Variants in SLC25A41 observed in about 807,000 individuals in gnomAD.
SLC25A41 encodes the protein solute carrier family 25 member 41.
SLC25A41 carries 35 observed loss-of-function variants against 34.7 expected under a neutral mutation model. The observed-to-expected ratio is 1.01, with a 90% CI of 0.77 to 1.34. The LOEUF is 1.34. SLC25A41 is among the 40% of genes most tolerant of loss of function. SLC25A41 has a pLI of 0.00. For missense variants in SLC25A41, 492 were observed against 489.8 expected (o/e 1.00, Z -0.04); for synonymous variants, 190 against 209.9 (o/e 0.91, Z 0.82).
Position 6,427,268 on chromosome 19 carries a change from C to G in SLC25A41, c.793-18G>C, listed in dbSNP as rs200557483. 1 of 1,611,528 alleles carries G rather than the reference C, an allele frequency of 6.2e-7. No homozygotes were observed. The highest frequency in any genetic ancestry group is 8.5e-7 in the Non-Finnish European group (1 of 1,178,948). On this transcript the variant is annotated intron_variant, in intron 5 of 6. Coordinates refer to ENST00000321510, the MANE Select transcript of SLC25A41 (RefSeq NM_173637.4). This position sits in a 1 kb window ranked among gnomAD's most constrained non-coding sequence, Gnocchi z 4.9. ...TGGAGCATCTGCAAGAGAAGGGGGC[C>G]AGGAGAAAGCTCACTAGGAGCCTGG...
intron 6 of SLC25A41, 116 bp from the exon 7 acceptor site, chr19:6,426,677 A>T: frequency 1.8e-6 from 2 of 1,093,078 alleles, no homozygotes; most frequent in East Asian, 4.8e-5. Context: ...GGTCAGTAGG[A>T]AAACAGTTTG....
upstream of SLC25A41, among the ~76,000 whole-genome samples, chr19:6,435,495 T>C (rs1232482778): frequency 6.7e-6 from 1 of 150,024 alleles, no homozygotes; most frequent in Non-Finnish European, 1.5e-5. Flanking sequence ...CCAAGGCAGG[T>C]GGATCACCTG....
At position 6,432,181 on chromosome 19, in the gene SLC25A41, C is replaced by G. The variant is rs757550774; in HGVS notation, c.231G>C (p.Leu77=). ...SQQVLDTGEQ[L]MVPVEVLEVD... The stretch of plus-strand genomic sequence containing the variant: ...CTTCCAGGACTTCCACGGGGACCAT[C>G]AGCTGCTCTCCTGTGTCCAGTACCT... The change falls in exon 2 of 7, where the codon CTG becomes CTC. Residue 77 remains leucine, a synonymous_variant. Coordinates refer to ENST00000321510, the MANE Select transcript of SLC25A41 (RefSeq NM_173637.4). 1 of 1,613,782 alleles carries G rather than the reference C, an allele frequency of 6.2e-7. No individual in the cohort carries two copies. Among genetic ancestry groups the G allele is most frequent in the Non-Finnish European group, 8.5e-7 (1 of 1,179,756 alleles).
Position 6,429,798 on chromosome 19 carries a change from G to C in SLC25A41, c.550C>G (p.Pro184Ala). The change falls in exon 4 of 7, where the codon CCG (proline) becomes GCG (alanine). Residue 184 changes from proline (P) to alanine (A), a missense_variant. Transcript: ENST00000321510. ...GCAAGGAGACGCTCCTGGAAGGGCG[G>C]GGACCCTTGTATTCCACAGAAGTAA... is the stretch of plus-strand genomic sequence containing the variant. ...KNYFCGIQGS[P>A]PFQERLLAGS... is the part of the protein sequence containing the mutation. 6.2e-7 allele frequency: 1 copy of C among 1,611,416 alleles called. No homozygotes were observed. Among genetic ancestry groups the C allele is most frequent in the Non-Finnish European group, 8.5e-7 (1 of 1,178,974 alleles).
At chr19:6,434,992 G>A (rs942701288), upstream of SLC25A41, among the ~76,000 whole-genome samples, 6 of 152,012 alleles carry the variant, frequency 3.9e-5, no homozygotes, top group Non-Finnish European at 7.4e-5. Context: ...GGAGGTCAAG[G>A]CAGGTGGATC....
rs78320693 is a variant in SLC25A41, at chr19:6,427,422, C to T, written c.704G>A (p.Arg235Gln). 2,654 of 1,609,388 alleles carry T rather than the reference C, an allele frequency of 1.6e-3. 6 individuals carry two copies. Among genetic ancestry groups the T allele is most frequent in the African/African-American group, 5.7e-3 (431 of 75,004 alleles). The change falls in exon 5 of 7, where the codon CGA (arginine) becomes CAA (glutamine). Residue 235 changes from arginine (R) to glutamine (Q), a missense_variant. Transcript: ENST00000321510. This position sits in a 1 kb window ranked among gnomAD's most constrained non-coding sequence, Gnocchi z 4.9. ...GCGGTAAAGGGCGCGGGTGCCCTCT[C>T]GCTGCAAGATCTGCCTGGCGCAGTC... is the stretch of plus-strand genomic sequence containing the variant. ...LLDCARQILQREGTRALYRGY... is the reference protein window; with the variant it reads ...LLDCARQILQQEGTRALYRGY...
chr19:6,430,215 C>G lies in SLC25A41; in HGVS notation c.364-54G>C, dbSNP rs376484399. The stretch of plus-strand genomic sequence containing the variant: ...CCCTGCTCGCCTCTGTCTCCGTCCC[C>G]ATCCCTGCCCCAAGCGCAGCCCCAC... On this transcript the variant is annotated intron_variant, in intron 2 of 6. Transcript: ENST00000321510. 29 of 1,532,020 alleles carry G rather than the reference C, an allele frequency of 1.9e-5. No individual in the cohort carries two copies. In the East Asian group the frequency reaches 4.9e-4, roughly 26 times the overall value. 94.9% of individuals were successfully genotyped at this position (1,532,020 alleles called of 1,614,324 possible). A position where few individuals can be genotyped will look rare whatever the true frequency, so the allele number is the denominator to read the frequency against.
In SLC25A41 at chr19:6,432,014, C is replaced by G. The variant is rs764911107; in HGVS notation, c.363+35G>C. 79 of 1,586,578 alleles carry G rather than the reference C, an allele frequency of 5.0e-5. No homozygotes were observed. The East Asian group carries it at 1.5e-3, about 29-fold the overall frequency. On this transcript the variant is annotated intron_variant, in intron 2 of 6. Coordinates refer to ENST00000321510, the MANE Select transcript of SLC25A41 (RefSeq NM_173637.4). ...CCCACGTTCTCCCCAGTGGCTCCAG[C>G]GCTGGGTCCCGTCCTCCCCCCAACC...
At position 6,432,000 on chromosome 19, in the gene SLC25A41, C is replaced by T. The variant is rs1000422722; in HGVS notation, c.363+49G>A. On this transcript the variant is annotated intron_variant, in intron 2 of 6. Transcript: ENST00000321510. ...CCATCTGTCCTCACCCCACGTTCTC[C>T]CCAGTGGCTCCAGCGCTGGGTCCCG... 3 of 1,574,588 alleles carry T rather than the reference C, an allele frequency of 1.9e-6. No individual in the cohort carries two copies. The East Asian group carries it at 6.8e-5, about 36-fold the overall frequency.
At chr19:6,429,357 A>AG (rs2145141765) in intron 4 of SLC25A41, among the ~76,000 whole-genome samples, 5 of 5,202 alleles carry the variant, frequency 9.6e-4, no homozygotes, top group Non-Finnish European at 1.4e-3. Context: ...GAGAGGAGGG[A>AG]GAAAGGAGGA....
chr19:6,427,150 A>T lies in SLC25A41; in HGVS notation c.893T>A (p.Met298Lys). 6.2e-7 allele frequency: 1 copy of T among 1,610,674 alleles called. No homozygotes were observed. The highest frequency in any genetic ancestry group is 8.5e-7 in the Non-Finnish European group (1 of 1,178,954). The change falls in exon 6 of 7, where the codon ATG becomes AAG. Residue 298 changes from methionine (M) to lysine (K), a missense_variant. Met to Lys is a moderately conservative substitution (Grantham distance 95). Coordinates refer to ENST00000321510, the MANE Select transcript of SLC25A41 (RefSeq NM_173637.4). The surrounding 1 kb of genome is among the most constrained non-coding windows in gnomAD (Gnocchi z 4.9). ...SVTLSTTCGQ[M>K]ASYPLTLVRT... Reference sequence around the variant, plus strand: ...CACCAGAGTCAGTGGGTAGCTGGCCATCTGGCCACAGGTCGTGGATAGCGT... The same window carrying T: ...CACCAGAGTCAGTGGGTAGCTGGCCTTCTGGCCACAGGTCGTGGATAGCGT...
intron 4 of SLC25A41, among the ~76,000 whole-genome samples, chr19:6,428,237 C>T (rs960498874): frequency 6.6e-6 from 1 of 151,680 alleles, no homozygotes; most frequent in African/African-American, 2.4e-5. Context: ...GGCAACATGG[C>T]GAAACCCTGT....
At chr19:6,429,521 A>AAGAGGAGGAG (rs2092274257) in intron 4 of SLC25A41, among the ~76,000 whole-genome samples, 3 of 20,598 alleles carry the variant, frequency 1.5e-4, no homozygotes, top group African/African-American at 5.1e-4. Flanking sequence ...GAGAGGAGGA[A>AAGAGGAGGAG]GGAGAAAGGA....
At chr19:6,426,935 G>A (rs1022991282) in intron 6 of SLC25A41, among the ~76,000 whole-genome samples, 168 bp downstream of exon 6, 2 of 152,072 alleles carry the variant, frequency 1.3e-5, no homozygotes, top group East Asian at 1.9e-4. Flanking sequence ...ACCATGCCTG[G>A]CTAATTTTTA....
At chr19:6,435,548 C>G (rs1349827750), upstream of SLC25A41, among the ~76,000 whole-genome samples, 1 of 152,216 alleles carries the variant, frequency 6.6e-6, no homozygotes, top group East Asian at 1.9e-4. Flanking sequence ...TGATAAAACC[C>G]CGTGTCTACT....
In SLC25A41 at chr19:6,428,706, CAT is replaced by C. The variant is rs1320072008; in HGVS notation, c.624+1016_624+1017del. 3.5e-4 allele frequency among the ~76,000 whole-genome samples: 50 copies of C among 143,968 alleles called. 1 individual carries two copies. The highest frequency in any genetic ancestry group is 1.1e-3 in the African/African-American group (45 of 39,614). The allele number at this position is 143,968 out of a possible 152,430, so 94.4% of individuals were successfully genotyped here. A position where few individuals can be genotyped will look rare whatever the true frequency, so the allele number is the denominator to read the frequency against. On this transcript the variant is annotated intron_variant, in intron 4 of 6. Transcript: ENST00000321510. ...ATATATGTGTATATTATATATAAAA[CAT>C]ATATATATATATATTTTTTTTGAGA...
chr19:6,430,784 G>A (rs900196609), intron 2 of SLC25A41, among the ~76,000 whole-genome samples: 1 of 152,028 alleles, frequency 6.6e-6, no homozygotes, highest in African/African-American at 2.4e-5. Context: ...CACCGCGCCT[G>A]GCCTTCTTTT....
At chr19:6,430,393 C>T in intron 2 of SLC25A41, 1 of 574,296 alleles carries the variant, frequency 1.7e-6, no homozygotes, top group South Asian at 2.1e-5. Context: ...TCTTCATCTC[C>T]TCAGTCTTTT....
chr19:6,430,484 C>A, intron 2 of SLC25A41: 1 of 491,298 alleles, frequency 2.0e-6, no homozygotes, highest in South Asian at 1.8e-5. Context: ...TCCGTTCCTC[C>A]CTTCCTTCTT....
Sources: gnomAD v4.1 joint callset for allele counts (sites outside exome capture counted in the v4.1 genomes callset) on GRCh38, gnomAD v4.1.1 for gene constraint, Gnocchi (gnomAD v3.1) non-coding constraint, MANE v1.5 for transcripts, NCBI Gene and HGNC (gene_info 2026-07-23, HGNC 2026-07-21) for gene names.